The following C8A variants were observed in gnomAD, a reference collection of about 807,000 sequenced individuals.
C8A encodes complement C8 alpha chain.
In C8A, 67 loss-of-function variants were observed where a neutral mutation model predicts 65.3. The observed-to-expected ratio is 1.03, with a 90% CI of 0.84 to 1.26. The LOEUF is 1.26. Ranked by LOEUF, C8A falls within the 50% of genes most tolerant of loss-of-function variation. C8A has a pLI of 0.00. For synonymous variants in C8A, 290 were observed against 259.4 expected (o/e 1.12, Z -1.13); for missense variants, 781 against 723.9 (o/e 1.08, Z -0.90).
intron 1 of C8A, among the ~76,000 whole-genome samples, chr1:56,863,902 C>T (rs1263339903): frequency 3.7e-5 from 5 of 136,234 alleles, no homozygotes; most frequent in South Asian, 2.7e-4. Flanking sequence ...TTCCTTCCTT[C>T]CTTTCTTCCT....
At chr1:56,905,736 A>T (rs1348152430) in intron 7 of C8A, among the ~76,000 whole-genome samples, 3 of 152,244 alleles carry the variant, frequency 2.0e-5, no homozygotes, top group Non-Finnish European at 4.4e-5. Context: ...GTTGTAGTTT[A>T]AAGGAATCAT....
At chr1:56,905,428 C>T (rs1324242496) in intron 7 of C8A, among the ~76,000 whole-genome samples, 3 of 152,254 alleles carry the variant, frequency 2.0e-5, no homozygotes, top group South Asian at 2.1e-4. Flanking sequence ...CCAAAAGACT[C>T]GGGGCATTCA....
At chr1:56,874,905 T>C in intron 2 of C8A, 44 bp from the exon 3 acceptor site, 2 of 1,611,106 alleles carry the variant, frequency 1.2e-6, no homozygotes, top group East Asian at 2.2e-5. Context: ...GGTTGATTGA[T>C]TGATTGGTTG....
chr1:56,896,751 T>C (rs947011648), intron 7 of C8A, among the ~76,000 whole-genome samples: 5 of 152,184 alleles, frequency 3.3e-5, no homozygotes, highest in Admixed American at 1.3e-4. Flanking sequence ...GAAGCAGATG[T>C]CAATAACAAC....
intron 7 of C8A, among the ~76,000 whole-genome samples, 162 bp from the exon 8 acceptor site, chr1:56,906,505 T>C (rs892557964): frequency 1.3e-5 from 2 of 152,236 alleles, no homozygotes; most frequent in African/African-American, 2.4e-5. Context: ...GTTGGAACCA[T>C]GCAGAAGAGA....
chr1:56,898,232 C>T (rs529495775), intron 7 of C8A, among the ~76,000 whole-genome samples: 4 of 152,146 alleles, frequency 2.6e-5, no homozygotes, highest in South Asian at 2.1e-4. Flanking sequence ...TGGATTATGC[C>T]AGGAATAGTG....
chr1:56,874,963 C>G lies in C8A; in HGVS notation c.186C>G (p.Ser62Arg). 2 of 1,613,682 alleles carry G rather than the reference C, an allele frequency of 1.2e-6. No homozygotes were observed. Among genetic ancestry groups the G allele is most frequent in the Non-Finnish European group, 8.5e-7 (1 of 1,179,788 alleles). Residue 62 changes from serine to arginine, a missense_variant, in exon 3 of 11, where the codon AGC becomes AGG. By Grantham distance (110) the Ser-to-Arg change is moderately radical. Transcript: ENST00000361249. The stretch of plus-strand genomic sequence containing the variant: ...ATCTGGTTTAGTACCGACACCGGAG[C>G]CTCTTGCAGCCAAACAAGTTTGGGG... ...PCQDKKYRHR[S>R]LLQPNKFGGT...
chr1:56,873,909 C>T (rs1644172039), intron 2 of C8A, among the ~76,000 whole-genome samples: 2 of 152,194 alleles, frequency 1.3e-5, no homozygotes, highest in South Asian at 4.1e-4. Flanking sequence ...CTTCCTTCTT[C>T]TACGCTAGTG....
rs188226864 is a variant in C8A at position 56,869,445 on chromosome 1, T to C, written c.171+1743T>C. Among the ~76,000 whole-genome samples the C allele has an allele frequency of 4.6e-5, 7 of 152,316 alleles. No homozygotes were observed. The East Asian group carries it at 1.4e-3, about 29-fold the overall frequency. On this transcript the variant is annotated intron_variant, in intron 2 of 10. Coordinates refer to ENST00000361249, the MANE Select transcript of C8A (RefSeq NM_000562.3). ...TTGATGGGCATTTGGGTTGTTTCCA[T>C]AGTTTTGCAATTGTGAATTGTGCTG...
chr1:56,857,613 C>A (rs1643990977), intron 1 of C8A, among the ~76,000 whole-genome samples: 1 of 151,954 alleles, frequency 6.6e-6, no homozygotes, highest in Admixed American at 6.6e-5. Context: ...AGTAATTAGA[C>A]CACTTATATC....
chr1:56,871,870 T>G (rs1644149671), intron 2 of C8A, among the ~76,000 whole-genome samples: 1 of 152,142 alleles, frequency 6.6e-6, no homozygotes, highest in East Asian at 1.9e-4. Context: ...CTGTGTCTGA[T>G]TTCGAATAAC....
intron 9 of C8A, among the ~76,000 whole-genome samples, chr1:56,910,683 C>G (rs1321003530): frequency 6.6e-6 from 1 of 152,206 alleles, no homozygotes; most frequent in Non-Finnish European, 1.5e-5. Flanking sequence ...GGCTGGGGAC[C>G]CTACCAGTCC....
At chr1:56,858,417 T>C (rs190268733) in intron 1 of C8A, among the ~76,000 whole-genome samples, 2 of 152,274 alleles carry the variant, frequency 1.3e-5, no homozygotes, top group East Asian at 3.9e-4. Flanking sequence ...TTCAACCCAA[T>C]ATTTCCATTG....
At chr1:56,894,261 G>A in intron 7 of C8A, among the ~76,000 whole-genome samples, 1 of 151,988 alleles carries the variant, frequency 6.6e-6, no homozygotes, top group East Asian at 1.9e-4. Flanking sequence ...TATTTGCTGT[G>A]GACTTGGAGC....
chr1:56,856,477 T>A (rs967675816), intron 1 of C8A, among the ~76,000 whole-genome samples: 4 of 152,146 alleles, frequency 2.6e-5, no homozygotes, highest in African/African-American at 9.6e-5. Context: ...ATTCCCTTGA[T>A]GGTTGACAAT....
chr1:56,873,585 C>CAAA (rs1644168879), intron 2 of C8A, among the ~76,000 whole-genome samples: 1 of 152,108 alleles, frequency 6.6e-6, no homozygotes, highest in Non-Finnish European at 1.5e-5. Context: ...GAAACTGAGC[C>CAAA]ACAAAGTACC....
chr1:56,897,782 A>G (rs1269567690), intron 7 of C8A, among the ~76,000 whole-genome samples: 1 of 152,182 alleles, frequency 6.6e-6, no homozygotes, highest in Non-Finnish European at 1.5e-5. Context: ...GAAAAACCGT[A>G]TTCGTAATCT....
intron 7 of C8A, among the ~76,000 whole-genome samples, chr1:56,896,948 T>C (rs541839959): frequency 9.9e-4 from 151 of 152,272 alleles, no homozygotes; most frequent in African/African-American, 3.3e-3. Context: ...GCTGTCCTCA[T>C]TTCACAGATG....
In C8A at chr1:56,854,801, A is replaced by G; in HGVS notation, c.-101A>G. 1.1e-6 allele frequency: 1 copy of G among 929,182 alleles called. No individual in the cohort carries two copies. Among genetic ancestry groups the G allele is most frequent in the Non-Finnish European group, 1.7e-6 (1 of 579,062 alleles). 57.6% of individuals were successfully genotyped at this position (929,182 alleles called of 1,614,324 possible). A position where few individuals can be genotyped will look rare whatever the true frequency, so the allele number is the denominator to read the frequency against. Reference sequence around the variant, plus strand: ...TCTGGGTGAGTTTCCAACATCAGATAGATCTTACAGGTCCCAGCCTGTAGA... The same window carrying G: ...TCTGGGTGAGTTTCCAACATCAGATGGATCTTACAGGTCCCAGCCTGTAGA... On this transcript the variant is annotated 5_prime_UTR_variant, in exon 1 of 11. In the 5' UTR this introduces an upstream ATG that the reference lacks. Transcript: ENST00000361249.
Sources: allele counts gnomAD v4.1 joint callset (sites outside exome capture counted in the v4.1 genomes callset), GRCh38; gene constraint gnomAD v4.1.1; transcripts MANE v1.5; gene names NCBI Gene and HGNC (gene_info 2026-07-23, HGNC 2026-07-21).